DPP6: variants seen among roughly 807,000 people sequenced by gnomAD.
The protein encoded by DPP6 is A-type potassium channel modulatory protein DPP6.
A neutral mutation model predicts 122.6 loss-of-function variants in DPP6; 69 were observed. The ratio of observed to expected loss-of-function variants is 0.56; its 90% CI spans 0.46 to 0.69. DPP6 has a LOEUF of 0.69. Ranked by LOEUF, DPP6 falls within the 30% of genes least tolerant of loss-of-function variation. DPP6 has a pLI of 0.00. For synonymous variants in DPP6, 418 were observed against 433.1 expected (o/e 0.97, Z 0.43); for missense variants, 928 against 1,116.9 (o/e 0.83, Z 2.41).
At chr7:154,680,727 G>A (rs1839230770) in intron 7 of DPP6, among the ~76,000 whole-genome samples, 1 of 151,614 alleles carries the variant, frequency 6.6e-6, no homozygotes, top group African/African-American at 2.4e-5. Context: ...AAAATGTATT[G>A]TTAAAAATGG....
chr7:154,444,984 T>C (rs983229508), intron 1 of DPP6, among the ~76,000 whole-genome samples: 8 of 152,236 alleles, frequency 5.3e-5, no homozygotes, highest in African/African-American at 1.2e-4. Flanking sequence ...TGTAGAACTC[T>C]TTCCTACTAA....
At chr7:153,909,532 C>T (rs1218022775) in intron 1 of DPP6, among the ~76,000 whole-genome samples, 1 of 152,142 alleles carries the variant, frequency 6.6e-6, no homozygotes, top group Non-Finnish European at 1.5e-5. Context: ...ACTATAATGC[C>T]ACTATTTTTA....
At chr7:153,834,466 T>C in the DPP6 span, among the ~76,000 whole-genome samples, 1,012 of 152,244 alleles carry the variant, frequency 6.6e-3, 9 homozygotes, top group African/African-American at 0.023. Flanking sequence ...TTCATTTATA[T>C]GTAAAATGAG....
At position 154,001,532 on chromosome 7, in the gene DPP6, G is replaced by A. The variant is rs558357348; in HGVS notation, c.51+113798G>A. Among the ~76,000 whole-genome samples the A allele has an allele frequency of 8.5e-3, 1,282 of 151,404 alleles. 7 individuals are homozygous for A. Among genetic ancestry groups the A allele is most frequent in the Middle Eastern group, 0.017 (5 of 292 alleles). ...GTCCTCACTCTGCCTCCCCACCCTC[G>A]GGCATGCTTGTTGGAACTGACAGCT... On this transcript the variant is annotated intron_variant, in intron 1 of 25. Transcript: ENST00000404039.
intron 3 of DPP6, among the ~76,000 whole-genome samples, chr7:154,529,828 T>A (rs144896404): frequency 3.0e-4 from 45 of 152,224 alleles, no homozygotes; most frequent in Middle Eastern, 3.4e-3. Context: ...AAATGATAGA[T>A]CAATATCCAA....
At chr7:154,431,642 T>C (rs1196715194) in intron 1 of DPP6, among the ~76,000 whole-genome samples, 1 of 151,396 alleles carries the variant, frequency 6.6e-6, no homozygotes, top group East Asian at 1.9e-4. Context: ...TCAAGCAATT[T>C]TCCTGCCTCA....
rs189476730 is a variant in DPP6, at chr7:154,654,279, G to C, written c.681-15081G>C. Among the ~76,000 whole-genome samples, 6 of 152,118 alleles carry C rather than the reference G, an allele frequency of 3.9e-5. No homozygotes were observed. The East Asian group carries it at 5.8e-4, about 15-fold the overall frequency. On this transcript the variant is annotated intron_variant, in intron 6 of 25. Transcript: ENST00000377770. The stretch of plus-strand genomic sequence containing the variant: ...TGTGCTCATATTTGTGATCATATAT[G>C]TTAAAAGCATCTCTCTGAATTAGAG...
chr7:154,113,955 T>C (rs1262442447), intron 1 of DPP6, among the ~76,000 whole-genome samples: 1 of 152,172 alleles, frequency 6.6e-6, no homozygotes, highest in Non-Finnish European at 1.5e-5. Context: ...TTCAGCATAG[T>C]AGTGGAAGTC....
At chr7:154,887,563 A>C in intron 22 of DPP6, 113 bp from the exon 23 acceptor site, 2 of 1,010,836 alleles carry the variant, frequency 2.0e-6, no homozygotes, top group East Asian at 2.4e-5. Context: ...GCAAGTGGGA[A>C]TGAGCCTGAG....
chr7:154,421,854 C>A (rs1302682493), intron 1 of DPP6, among the ~76,000 whole-genome samples: 3 of 151,764 alleles, frequency 2.0e-5, no homozygotes, highest in African/African-American at 7.3e-5. Context: ...TTACAGTGGC[C>A]CCAGTGCCCA....
chr7:154,060,907 TGA>T (rs1174647001), intron 1 of DPP6, among the ~76,000 whole-genome samples: 2 of 146,122 alleles, frequency 1.4e-5, no homozygotes, highest in East Asian at 3.9e-4. Context: ...AGGCGGGGAC[TGA>T]GAGCCAGACC....
chr7:153,885,979 G>T (rs1481557555), upstream of DPP6, among the ~76,000 whole-genome samples: 2 of 152,108 alleles, frequency 1.3e-5, no homozygotes, highest in Non-Finnish European at 2.9e-5. Context: ...TTCTTCATGA[G>T]CTCGAAAGTG....
chr7:154,313,809 G>A (rs10247949), intron 1 of DPP6, among the ~76,000 whole-genome samples: 7,138 of 146,110 alleles, frequency 0.049, 452 homozygotes, highest in African/African-American at 0.14. Context: ...CATTTAGGAA[G>A]ACTCAATATA....
At chr7:154,290,565 C>T (rs1038965754) in intron 1 of DPP6, among the ~76,000 whole-genome samples, 8 of 151,572 alleles carry the variant, frequency 5.3e-5, no homozygotes, top group African/African-American at 1.9e-4. Flanking sequence ...TCCCTTGGAC[C>T]CGGGAGGTGG....
chr7:154,412,081 C>T (rs958762983), intron 1 of DPP6, among the ~76,000 whole-genome samples: 1 of 152,070 alleles, frequency 6.6e-6, no homozygotes, highest in Non-Finnish European at 1.5e-5. Flanking sequence ...GTCAAGTCCT[C>T]GAATAGTGGA....
chr7:154,771,813 G>A (rs1563192531), intron 9 of DPP6, among the ~76,000 whole-genome samples: 1 of 152,198 alleles, frequency 6.6e-6, no homozygotes, highest in Non-Finnish European at 1.5e-5. Flanking sequence ...TTAGTCTGTA[G>A]CATGTGGAAG....
At chr7:154,227,728 G>A (rs964048490) in intron 1 of DPP6, among the ~76,000 whole-genome samples, 3 of 152,140 alleles carry the variant, frequency 2.0e-5, no homozygotes, top group African/African-American at 7.2e-5. Context: ...GACAGGTTCA[G>A]GGTGGGTAAG....
intron 1 of DPP6, among the ~76,000 whole-genome samples, chr7:154,312,393 A>C (rs1349330247): frequency 6.6e-6 from 1 of 152,196 alleles, no homozygotes; most frequent in Non-Finnish European, 1.5e-5. Flanking sequence ...CACGTTGCTG[A>C]TATAATGAAG....
chr7:154,831,809 C>G (rs778114289), intron 16 of DPP6, among the ~76,000 whole-genome samples: 4 of 152,318 alleles, frequency 2.6e-5, no homozygotes, highest in Non-Finnish European at 5.9e-5. Flanking sequence ...TGCGCCTCCT[C>G]TGGCCTTACT....
Sources: gnomAD v4.1 joint callset for allele counts (sites outside exome capture counted in the v4.1 genomes callset) on GRCh38, gnomAD v4.1.1 for gene constraint, MANE v1.5 for transcripts, NCBI Gene and HGNC (gene_info 2026-07-23, HGNC 2026-07-21) for gene names.